SLC6A7: variants seen among roughly 807,000 people sequenced by gnomAD.
SLC6A7 encodes the protein solute carrier family 6 member 7, also known as sodium-dependent proline transporter.
SLC6A7 carries 58 observed loss-of-function variants against 73.1 expected under a neutral mutation model. The ratio of observed to expected loss-of-function variants is 0.79; its 90% CI spans 0.64 to 0.99. The LOEUF (loss-of-function observed/expected upper bound fraction) is 0.99, where lower values mean the gene tolerates loss of function less well. Ranked by LOEUF, SLC6A7 falls within the 50% of genes least tolerant of loss-of-function variation. The pLI is 0.00. For synonymous variants in SLC6A7, 338 were observed against 338.7 expected (o/e 1.00, Z 0.02); for missense variants, 783 against 831.4 (o/e 0.94, Z 0.72).
At chr5:150,198,040 A>C (rs1437285880) in intron 4 of SLC6A7, among the ~76,000 whole-genome samples, 2 of 150,554 alleles carry the variant, frequency 1.3e-5, no homozygotes, top group Admixed American at 1.3e-4. Flanking sequence ...CTGCCTTTAA[A>C]AGAAGAAAGA....
In SLC6A7 at chr5:150,201,239, C is replaced by T. The variant is rs752802626; in HGVS notation, c.858+16C>T. 1.1e-5 allele frequency: 18 copies of T among 1,592,736 alleles called. No homozygotes were observed. Among genetic ancestry groups the T allele is most frequent in the African/African-American group, 6.7e-5 (5 of 74,400 alleles). On this transcript the variant is annotated intron_variant, in intron 6 of 13. Coordinates refer to ENST00000230671, the MANE Select transcript of SLC6A7 (RefSeq NM_014228.5). Reference sequence around the variant, plus strand: ...GTCTTCCAAGGTGAGCCCCTCAGGGCGGGGTGCAGAGGGAGGGGCCAGGCC... The same window carrying T: ...GTCTTCCAAGGTGAGCCCCTCAGGGTGGGGTGCAGAGGGAGGGGCCAGGCC...
chr5:150,200,396 G>T (rs1057466096), intron 5 of SLC6A7, among the ~76,000 whole-genome samples: 5 of 152,204 alleles, frequency 3.3e-5, no homozygotes, highest in African/African-American at 1.2e-4. Context: ...GGGAGGCTGA[G>T]ACGGGAGAAT....
At chr5:150,192,222 T>C (rs1392508711) in intron 1 of SLC6A7, among the ~76,000 whole-genome samples, 1 of 152,164 alleles carries the variant, frequency 6.6e-6, no homozygotes, top group Non-Finnish European at 1.5e-5. Context: ...CTGTTTGACC[T>C]TGGGCTCATC....
chr5:150,191,118 T>A (rs781767749), intron 1 of SLC6A7, among the ~76,000 whole-genome samples: 2 of 152,100 alleles, frequency 1.3e-5, no homozygotes, highest in Non-Finnish European at 2.9e-5. Flanking sequence ...AGGAGTCAGA[T>A]CTCCTGAATA....
intron 13 of SLC6A7, among the ~76,000 whole-genome samples, chr5:150,205,842 A>T (rs9885318): frequency 0.26 from 40,095 of 151,980 alleles, 5,388 homozygotes; most frequent in South Asian, 0.34. Context: ...CAATCTAAAG[A>T]CCACTGTTAA....
chr5:150,194,301 C>T (rs1051427847), intron 1 of SLC6A7, among the ~76,000 whole-genome samples: 9 of 151,904 alleles, frequency 5.9e-5, no homozygotes, highest in African/African-American at 1.2e-4. Flanking sequence ...TGGTGGTGGG[C>T]GCCTGTAGTC....
chr5:150,209,617 G>A lies in SLC6A7; in HGVS notation c.*2G>A, dbSNP rs143346304. 1.2e-3 allele frequency: 1,875 copies of A among 1,589,562 alleles called. 2 individuals are homozygous for A. The highest frequency in any genetic ancestry group is 1.5e-3 in the Non-Finnish European group (1,780 of 1,167,122). On this transcript the variant is annotated 3_prime_UTR_variant, in exon 14 of 14. Transcript: ENST00000230671. ...GAGGAGGAGGAGTCGATGATGTGAG[G>A]CAGGAGGCAGGCGGGCAGAAGGCCC...
chr5:150,199,222 C>T lies in SLC6A7; in HGVS notation c.585-6C>T, dbSNP rs748110370. 2 of 1,588,012 alleles carry T rather than the reference C, an allele frequency of 1.3e-6. No individual in the cohort carries two copies. Among genetic ancestry groups the T allele is most frequent in the East Asian group, 2.3e-5 (1 of 44,312 alleles). On this transcript the variant is annotated splice_region_variant and splice_polypyrimidine_tract_variant and intron_variant, in intron 4 of 13. Coordinates refer to ENST00000230671, the MANE Select transcript of SLC6A7 (RefSeq NM_014228.5). ...CAGGGGACACTGAGACCTTTGTCTC[C>T]CACAGCCGCTACGTCCTCCACATCC...
intron 2 of SLC6A7, 99 bp from the exon 3 acceptor site, chr5:150,196,617 C>A: frequency 8.4e-7 from 1 of 1,186,640 alleles, no homozygotes; most frequent in Non-Finnish European, 1.2e-6. Flanking sequence ...TCCATCAGGT[C>A]TGAGGGGGCA....
intron 13 of SLC6A7, among the ~76,000 whole-genome samples, chr5:150,205,996 C>T (rs372634012): frequency 3.4e-4 from 52 of 152,320 alleles, no homozygotes; most frequent in African/African-American, 1.2e-3. Flanking sequence ...ACCCTACTCC[C>T]GTGCCCAGGA....
intron 13 of SLC6A7, 83 bp from the exon 14 acceptor site, chr5:150,209,323 G>A: frequency 1.7e-6 from 2 of 1,167,174 alleles, no homozygotes; most frequent in Admixed American, 3.5e-5. Context: ...GTGGTCAGGT[G>A]TTTGCTGGGT....
At chr5:150,198,863 T>TGG (rs58920675) in intron 4 of SLC6A7, among the ~76,000 whole-genome samples, 1 of 144,784 alleles carries the variant, frequency 6.9e-6, no homozygotes, top group Admixed American at 7.0e-5. Context: ...TGTGTGTGTG[T>TGG]GGTGTACACA....
chr5:150,197,603 A>C (rs1223733237), intron 4 of SLC6A7, among the ~76,000 whole-genome samples: 1 of 135,046 alleles, frequency 7.4e-6, no homozygotes, highest in Non-Finnish European at 1.7e-5. Flanking sequence ...AATAAATACT[A>C]GCTGAGAATG....
At chr5:150,202,010 TA>T (rs1580864903) in intron 6 of SLC6A7, among the ~76,000 whole-genome samples, 1 of 152,104 alleles carries the variant, frequency 6.6e-6, no homozygotes, top group Non-Finnish European at 1.5e-5. Context: ...AGAAAGGAAG[TA>T]AAGGGGTTAT....
In SLC6A7 at chr5:150,194,770, G is replaced by T. The variant is rs146657807; in HGVS notation, c.76G>T (p.Asp26Tyr). The T allele has an allele frequency of 2.5e-6, 4 of 1,613,984 alleles. No homozygotes were observed. Among genetic ancestry groups the T allele is most frequent in the Non-Finnish European group, 3.4e-6 (4 of 1,180,008 alleles). ...DLLMTPSDQG[D>Y]VDLDVDFAAH... ...GCTGATGACCCCCAGTGACCAGGGC[G>T]ATGTCGACCTGGATGTGGACTTTGC... Residue 26 changes from aspartate (D) to tyrosine (Y), a missense_variant, in exon 2 of 14, where the codon GAT becomes TAT. Transcript: ENST00000230671.
intron 4 of SLC6A7, among the ~76,000 whole-genome samples, chr5:150,197,714 G>A (rs191181339): frequency 1.1e-4 from 16 of 152,258 alleles, no homozygotes; most frequent in African/African-American, 3.9e-4. Flanking sequence ...GTGTTATCCA[G>A]TTAGTCATTT....
rs762389437 is a variant in SLC6A7, at chr5:150,203,662, C to G, written c.1088-5C>G. 6.5e-7 allele frequency: 1 copy of G among 1,541,894 alleles called. No individual in the cohort carries two copies. The highest frequency in any genetic ancestry group is 9.0e-7 in the Non-Finnish European group (1 of 1,114,272). ...AGCTGCTGACCCCGTGTGCCCCTGG[C>G]CCAGGCCCTGGCCTGGCCTTTGTCG... On this transcript the variant is annotated splice_polypyrimidine_tract_variant and splice_region_variant and intron_variant, in intron 8 of 13. Transcript: ENST00000230671.
At chr5:150,194,334 C>T (rs564462063) in intron 1 of SLC6A7, among the ~76,000 whole-genome samples, 2 of 151,204 alleles carry the variant, frequency 1.3e-5, no homozygotes, top group South Asian at 2.1e-4. Context: ...GAGGCTGAGA[C>T]GGGAGAATTG....
At chr5:150,203,175 G>A (rs961626046) in intron 8 of SLC6A7, among the ~76,000 whole-genome samples, 1 of 152,164 alleles carries the variant, frequency 6.6e-6, no homozygotes, top group Non-Finnish European at 1.5e-5. Context: ...GGTGGTCCAT[G>A]TGCAAGGGGA....
Sources: gnomAD v4.1 joint callset for allele counts (sites outside exome capture counted in the v4.1 genomes callset) on GRCh38, gnomAD v4.1.1 for gene constraint, MANE v1.5 for transcripts, NCBI Gene and HGNC (gene_info 2026-07-23, HGNC 2026-07-21) for gene names.